Variants in MINK1 observed in about 807,000 individuals in gnomAD.
MINK1 encodes misshapen like kinase 1, also known as misshapen-like kinase 1.
In MINK1, 46 loss-of-function variants were observed where a neutral mutation model predicts 178.4. The ratio of observed to expected loss-of-function variants is 0.26; its 90% CI spans 0.20 to 0.33. The LOEUF (loss-of-function observed/expected upper bound fraction) is 0.33, where lower values mean the gene tolerates loss of function less well. MINK1 is among the 10% of genes least tolerant of loss of function. The pLI is 1.00. For missense variants in MINK1, 1,366 were observed against 1,814.9 expected (o/e 0.75, Z 4.49); for synonymous variants, 797 against 709.7 (o/e 1.12, Z -1.96).
chr17:4,881,420 T>C (rs1194983499), intron 4 of MINK1, among the ~76,000 whole-genome samples, 163 bp downstream of exon 4: 2 of 152,124 alleles, frequency 1.3e-5, no homozygotes, highest in Non-Finnish European at 2.9e-5. Context: ...TCCTGCCTCA[T>C]GGATGGCCCC....
chr17:4,833,889 TC>T lies in MINK1; in HGVS notation c.57+251del, dbSNP rs1908872598. Among the ~76,000 whole-genome samples, 1 of 152,174 alleles carries T rather than the reference TC, an allele frequency of 6.6e-6. No individual in the cohort carries two copies. Among genetic ancestry groups the T allele is most frequent in the Admixed American group, 6.5e-5 (1 of 15,276 alleles). On this transcript the variant is annotated intron_variant, in intron 1 of 31. Coordinates refer to ENST00000355280, the MANE Select transcript of MINK1 (RefSeq NM_153827.5). The surrounding 1 kb of genome is among the most constrained non-coding windows in gnomAD (Gnocchi z 4.8). Reference sequence around the variant, plus strand: ...CCCTGTGGTGCCCCGCCCCCACACTTCCGTGCCACCCTACCTTTACTCTGGG... The same window carrying T: ...CCCTGTGGTGCCCCGCCCCCACACTTCGTGCCACCCTACCTTTACTCTGGG...
Position 4,894,537 on chromosome 17 carries a change from G to T in MINK1, c.2821G>T (p.Gly941Trp). 6.2e-7 allele frequency: 1 copy of T among 1,602,888 alleles called. No homozygotes were observed. Among genetic ancestry groups the T allele is most frequent in the East Asian group, 2.3e-5 (1 of 44,440 alleles). The change falls in exon 24 of 32, where the codon GGG (glycine) becomes TGG (tryptophan). Residue 941 changes from glycine to tryptophan, a missense_variant. By Grantham distance (184) the Gly-to-Trp change is radical (BLOSUM62 -2). Transcript: ENST00000355280. The surrounding 1 kb of genome is among the most constrained non-coding windows in gnomAD (Gnocchi z 4.1). ...CCCCCTACCACAGTACCAGTCTCGTGGGCTGGTAAAGGCCCCTGGCAAGAG... is the reference window on the plus strand; with the variant it reads ...CCCCCTACCACAGTACCAGTCTCGTTGGCTGGTAAAGGCCCCTGGCAAGAG... ...KDGSGDYQSR[G>W]LVKAPGKSSF...
rs1969314095 is a variant in MINK1 at position 4,895,089 on chromosome 17, G to A, written c.2932G>A (p.Glu978Lys). The A allele has an allele frequency of 1.2e-6, 2 of 1,613,630 alleles. No individual in the cohort carries two copies. Among genetic ancestry groups the A allele is most frequent in the Non-Finnish European group, 1.7e-6 (2 of 1,179,982 alleles). The change falls in exon 25 of 32, where the codon GAG becomes AAG. Residue 978 changes from glutamate (E) to lysine (K), a missense_variant. Physicochemically the swap from Glu to Lys is moderately conservative, Grantham distance 56. Transcript: ENST00000355280. This position sits in a 1 kb window ranked among gnomAD's most constrained non-coding sequence, Gnocchi z 4.3. The part of the protein sequence containing the change: ...SIPITALVGG[E>K]GTRLDQLQYD... ...CCTTCTGGCAGCCCTAGTGGGTGGA[G>A]AGGGCACTCGGCTCGACCAGCTGCA... is the stretch of plus-strand genomic sequence containing the variant.
In MINK1 at chr17:4,895,959, G is replaced by A. The variant is rs563177878; in HGVS notation, c.3365-44G>A. On this transcript the variant is annotated intron_variant, in intron 27 of 31. Coordinates refer to ENST00000355280, the MANE Select transcript of MINK1 (RefSeq NM_153827.5). The surrounding 1 kb of genome is among the most constrained non-coding windows in gnomAD (Gnocchi z 4.3). ...CAGACCACGGGGAGGCGCCCGTGGC[G>A]CAAGAAGGGAAGTCTCAGCATCCCT... The A allele has an allele frequency of 2.5e-5, 40 of 1,569,602 alleles. 1 individual carries two copies. In the Admixed American group the frequency reaches 2.7e-4, roughly 10 times the overall value.
Position 4,886,672 on chromosome 17 carries a change from C to T in MINK1, c.949+46C>T, listed in dbSNP as rs1021098481. ...GGGCAGGTACTAGGGGACACTCCAG[C>T]CTGGCTCCTCTCTGCCAGCCCTGCT... On this transcript the variant is annotated intron_variant, in intron 10 of 31. Transcript: ENST00000355280. The surrounding 1 kb of genome is among the most constrained non-coding windows in gnomAD (Gnocchi z 6.1). 2.0e-6 allele frequency: 3 copies of T among 1,499,634 alleles called. No individual in the cohort carries two copies. The highest frequency in any genetic ancestry group is 2.7e-6 in the Non-Finnish European group (3 of 1,125,098). The allele number at this position is 1,499,634 out of a possible 1,614,324, so 92.9% of individuals were successfully genotyped here. A position where few individuals can be genotyped will look rare whatever the true frequency, so the allele number is the denominator to read the frequency against.
In MINK1 at chr17:4,893,564, C is replaced by G. The variant is rs891790941; in HGVS notation, c.2531C>G (p.Pro844Arg). 6.3e-7 allele frequency: 1 copy of G among 1,578,890 alleles called. No individual in the cohort carries two copies. The highest frequency in any genetic ancestry group is 8.6e-7 in the Non-Finnish European group (1 of 1,157,690). The change falls in exon 21 of 32, where the codon CCA (proline) becomes CGA (arginine). Residue 844 changes from proline to arginine, a missense_variant. Pro to Arg is a moderately radical substitution (Grantham distance 103). Transcript: ENST00000355280. ...GACGAGGAGGAAGGCGAAGGCGGGCCAGCAGAGGGGAGCAGAGATACCCCT... is the reference window on the plus strand; with the variant it reads ...GACGAGGAGGAAGGCGAAGGCGGGCGAGCAGAGGGGAGCAGAGATACCCCT... ...EDDEEEGEGG[P>R]AEGSRDTPGG...
intron 1 of MINK1, among the ~76,000 whole-genome samples, chr17:4,868,365 T>G (rs1915355191): frequency 6.6e-6 from 1 of 152,194 alleles, no homozygotes; most frequent in Non-Finnish European, 1.5e-5. Context: ...TTCTAATGTT[T>G]CTTCTATCCA....
At chr17:4,869,947 C>A (rs1401565104) in intron 1 of MINK1, among the ~76,000 whole-genome samples, 15 of 146 alleles carry the variant, frequency 0.1, no homozygotes, top group South Asian at 0.5. Context: ...TGCTGTGTCG[C>A]CCCAGGCTGG....
rs867911295 is a variant in MINK1 at position 4,861,442 on chromosome 17, A to G, written c.58-16875A>G. ...TGTTATTCCAGAGCCCCACCTTTCAATAATTGAGTCCAACACTTGTATGGT... is the reference window on the plus strand; with the variant it reads ...TGTTATTCCAGAGCCCCACCTTTCAGTAATTGAGTCCAACACTTGTATGGT... On this transcript the variant is annotated intron_variant, in intron 1 of 31. Coordinates refer to ENST00000355280, the MANE Select transcript of MINK1 (RefSeq NM_153827.5). Among the ~76,000 whole-genome samples the G allele has an allele frequency of 5.9e-5, 9 of 152,136 alleles. No individual in the cohort carries two copies. The South Asian group carries it at 8.3e-4, about 14-fold the overall frequency.
intron 13 of MINK1, 98 bp from the exon 14 acceptor site, chr17:4,890,419 A>G: frequency 1.3e-6 from 2 of 1,487,894 alleles, no homozygotes; most frequent in Non-Finnish European, 1.8e-6. Context: ...AAGGGAATAC[A>G]TCTCCTCTCT....
chr17:4,889,700 G>A lies in MINK1; in HGVS notation c.1284G>A (p.Arg428=), dbSNP rs1455094908. 2 of 1,558,002 alleles carry A rather than the reference G, an allele frequency of 1.3e-6. No homozygotes were observed. Among genetic ancestry groups the A allele is most frequent in the African/African-American group, 1.4e-5 (1 of 73,448 alleles). ...QRKLQEKEQQ[R]RLEDMQALRR... ...AGCTGCAGGAGAAGGAGCAGCAGCG[G>A]CGGCTGGAGGACATGCAGGCTCTGC... The change falls in exon 13 of 32, where the codon CGG becomes CGA. Residue 428 remains arginine, a synonymous_variant. Transcript: ENST00000355280.
chr17:4,868,062 C>G (rs1022370696), intron 1 of MINK1, among the ~76,000 whole-genome samples: 3 of 151,504 alleles, frequency 2.0e-5, no homozygotes, highest in South Asian at 2.1e-4. Flanking sequence ...CTGCAACCTC[C>G]ACCTTCCAGG....
rs1271039757 is a variant in MINK1 at position 4,894,002 on chromosome 17, C to T, written c.2579C>T (p.Thr860Ile). 7 of 1,585,562 alleles carry T rather than the reference C, an allele frequency of 4.4e-6. No individual in the cohort carries two copies. The highest frequency in any genetic ancestry group is 3.4e-6 in the Non-Finnish European group (4 of 1,166,088). Residue 860 changes from threonine to isoleucine, a missense_variant, in exon 22 of 32, where the codon ACA (threonine) becomes ATA (isoleucine). Around this residue, in one of 14 missense-constraint regions of MINK1, gnomAD observed 709 missense variants for 692.3 expected, o/e 1.02. Coordinates refer to ENST00000355280, the MANE Select transcript of MINK1 (RefSeq NM_153827.5). The surrounding 1 kb of genome is among the most constrained non-coding windows in gnomAD (Gnocchi z 4.1). ...DTPGGRSDGD[T>I]DSVSTMVVHD... ...CTCTCTCACAGCAGCGATGGGGATACAGACAGCGTCAGCACCATGGTGGTC... is the reference window on the plus strand; with the variant it reads ...CTCTCTCACAGCAGCGATGGGGATATAGACAGCGTCAGCACCATGGTGGTC...
In MINK1 at chr17:4,887,466, C is replaced by T; in HGVS notation, c.1020-114C>T. 1 of 1,039,498 alleles carries T rather than the reference C, an allele frequency of 9.6e-7. No homozygotes were observed. The highest frequency in any genetic ancestry group is 2.6e-5 in the East Asian group (1 of 37,824). 64.4% of individuals were successfully genotyped at this position (1,039,498 alleles called of 1,614,324 possible). A position where few individuals can be genotyped will look rare whatever the true frequency, so the allele number is the denominator to read the frequency against. On this transcript the variant is annotated intron_variant, in intron 11 of 31. Coordinates refer to ENST00000355280, the MANE Select transcript of MINK1 (RefSeq NM_153827.5). The surrounding 1 kb of genome is among the most constrained non-coding windows in gnomAD (Gnocchi z 7.6). Reference sequence around the variant, plus strand: ...AGTCTCCTGGCCACCTGGGAGTGGCCAGAGGCAGAGGCTTTGATCCAGTTA... The same window carrying T: ...AGTCTCCTGGCCACCTGGGAGTGGCTAGAGGCAGAGGCTTTGATCCAGTTA...
At chr17:4,859,406 T>A in intron 1 of MINK1, 1 of 731,312 alleles carries the variant, frequency 1.4e-6, no homozygotes, top group Non-Finnish European at 1.7e-6. Context: ...TTAGCATATG[T>A]AACTTCTCAG....
Position 4,893,065 on chromosome 17 carries a change from G to C in MINK1, c.2398G>C (p.Ala800Pro). ...DDHRSRPGRP[A>P]DFVLLKERTL... The stretch of plus-strand genomic sequence containing the variant: ...CCACCGCTCACGGCCAGGCCGGCCC[G>C]CAGTGAGTCACCTGGTGGCAGGCAT... Residue 800 changes from alanine to proline, a missense_variant and splice_region_variant, in exon 20 of 32, where the codon GCA becomes CCA. Coordinates refer to ENST00000355280, the MANE Select transcript of MINK1 (RefSeq NM_153827.5). 6.4e-7 allele frequency: 1 copy of C among 1,560,238 alleles called. No individual in the cohort carries two copies. Among genetic ancestry groups the C allele is most frequent in the South Asian group, 1.2e-5 (1 of 84,746 alleles).
rs1445116941 is a variant in MINK1, at chr17:4,891,500, T to C, written c.1785T>C (p.Pro595=). The part of the protein sequence containing the change: ...HRVPLKPYAA[P]VPRSQSLQDQ... ...TCCCACTGAAGCCATATGCAGCACC[T>C]GTACCCCGATCCCAGTCCCTGCAGG... The change falls in exon 16 of 32, where the codon CCT becomes CCC. Residue 595 remains proline (P), a synonymous_variant. Transcript: ENST00000355280. 2.5e-6 allele frequency: 4 copies of C among 1,610,226 alleles called. No homozygotes were observed. The highest frequency in any genetic ancestry group is 1.1e-5 in the South Asian group (1 of 90,656).
chr17:4,846,379 A>C (rs1253972446), intron 1 of MINK1, among the ~76,000 whole-genome samples: 2 of 152,294 alleles, frequency 1.3e-5, no homozygotes, highest in East Asian at 3.9e-4. Flanking sequence ...CCCAATACCG[A>C]ATGGCCCTTC....
intron 1 of MINK1, chr17:4,856,967 G>T: frequency 1.2e-5 from 2 of 170,886 alleles, no homozygotes; most frequent in South Asian, 3.1e-4. Context: ...TGGAGAGAAT[G>T]AGCACCTTGG....
Sources: gnomAD v4.1 joint callset for allele counts (sites outside exome capture counted in the v4.1 genomes callset) on GRCh38, gnomAD v4.1.1 for gene constraint, gnomAD v4.1.1 regional missense constraint, Gnocchi (gnomAD v3.1) non-coding constraint, MANE v1.5 for transcripts, NCBI Gene and HGNC (gene_info 2026-07-23, HGNC 2026-07-21) for gene names.